Variants in MYOZ2 observed in about 807,000 individuals in gnomAD.
MYOZ2 encodes the protein myozenin-2.
MYOZ2 carries 19 observed loss-of-function variants against 25.4 expected under a neutral mutation model. The ratio of observed to expected loss-of-function variants is 0.75; its 90% confidence interval spans 0.52 to 1.10. The LOEUF is 1.10. MYOZ2 is among the 50% of genes least tolerant of loss of function. The probability of loss-of-function intolerance (pLI) is 0.00; values close to 1 mark genes in which losing one functional copy is unlikely to be tolerated. For missense variants in MYOZ2, 270 were observed against 317.9 expected, an observed-to-expected ratio of 0.85 and a Z score of 1.15; for synonymous variants, 92 against 106.9, an observed-to-expected ratio of 0.86 and a Z score of 0.86.
chr4:119,166,509 C>CAA (rs34894750), intron 5 of MYOZ2, among the ~76,000 whole-genome samples: 1 of 136,328 alleles, frequency 7.3e-6, no homozygotes, highest in African/African-American at 2.9e-5. Context: ...GACCCTGTCT[C>CAA]AAAAAAAAAA....
intron 2 of MYOZ2, among the ~76,000 whole-genome samples, chr4:119,145,550 T>TG (rs1561104817): frequency 0.083 from 8,506 of 102,516 alleles, 315 homozygotes; most frequent in Non-Finnish European, 0.11. Flanking sequence ...GTGTGTGTGT[T>TG]TTTGGTAGAG....
rs397517288 is a variant in MYOZ2, at chr4:119,136,516, CA to C, written c.-3del. The C allele has an allele frequency of 1.9e-6, 3 of 1,612,424 alleles. No individual in the cohort carries two copies. The highest frequency in any genetic ancestry group is 2.5e-6 in the Non-Finnish European group (3 of 1,178,906). On this transcript the variant is annotated 5_prime_UTR_variant, in exon 2 of 6. Transcript: ENST00000307128. ...ATGTCCCTTTGTTTTTAACAGGGAA[CA>C]AAAAAACCATGCTATCACATAATAC...
chr4:119,176,979 G>A (rs1165669228), intron 5 of MYOZ2, among the ~76,000 whole-genome samples: 1 of 152,204 alleles, frequency 6.6e-6, no homozygotes, highest in Non-Finnish European at 1.5e-5. Flanking sequence ...ACCACACACT[G>A]AGTACTGGGA....
At chr4:119,163,942 A>T (rs900673026) in intron 4 of MYOZ2, among the ~76,000 whole-genome samples, 28 of 152,174 alleles carry the variant, frequency 1.8e-4, no homozygotes, top group Non-Finnish European at 3.8e-4. Context: ...TTACTGGAAA[A>T]ATATATATAC....
Position 119,186,486 on chromosome 4 carries a change from GAC to G in MYOZ2, c.*288_*289del. Reference sequence around the variant, plus strand: ...CAAAAGTTCAGATGGAAAAGTAATTGACAGTTTCACCTTTGTCTCATTTTATA... The same window carrying G: ...CAAAAGTTCAGATGGAAAAGTAATTGAGTTTCACCTTTGTCTCATTTTATA... On this transcript the variant is annotated 3_prime_UTR_variant, in exon 6 of 6. Coordinates refer to ENST00000307128, the MANE Select transcript of MYOZ2 (RefSeq NM_016599.5). The G allele has an allele frequency of 5.1e-6, 2 of 395,380 alleles. No individual in the cohort carries two copies. The highest frequency in any genetic ancestry group is 5.6e-5 in the East Asian group (1 of 17,856). The allele number at this position is 395,380 out of a possible 1,614,324, so 24.5% of individuals were successfully genotyped here.
At chr4:119,175,446 T>C (rs1045717965) in intron 5 of MYOZ2, among the ~76,000 whole-genome samples, 2 of 152,202 alleles carry the variant, frequency 1.3e-5, no homozygotes, top group African/African-American at 4.8e-5. Context: ...CTATTGCATC[T>C]AATGGATAAC....
chr4:119,152,304 C>T (rs1251890967), intron 3 of MYOZ2, among the ~76,000 whole-genome samples: 1 of 152,048 alleles, frequency 6.6e-6, no homozygotes, highest in African/African-American at 2.4e-5. Context: ...ATAATCCCTA[C>T]CCCATCTGCT....
At position 119,186,172 on chromosome 4, in the gene MYOZ2, C is replaced by T. The variant is rs1475858384; in HGVS notation, c.767C>T (p.Thr256Ile). Residue 256 changes from threonine to isoleucine, a missense_variant, in exon 6 of 6, where the codon ACC (threonine) becomes ATC (isoleucine). Coordinates refer to ENST00000307128, the MANE Select transcript of MYOZ2 (RefSeq NM_016599.5). ...ATAACAACCGAACCTACAGATGATA[C>T]CACTGTACCAGAATCAGAAGACCTA... ...IVITTEPTDD[T>I]TVPESEDL The T allele has an allele frequency of 1.2e-6, 2 of 1,613,108 alleles. No homozygotes were observed. Among genetic ancestry groups the T allele is most frequent in the East Asian group, 2.2e-5 (1 of 44,856 alleles).
chr4:119,165,665 T>G (rs1326279263), intron 5 of MYOZ2, among the ~76,000 whole-genome samples: 1 of 151,782 alleles, frequency 6.6e-6, no homozygotes, highest in South Asian at 2.1e-4. Context: ...GAAAGAAAGT[T>G]GGAGGCCCAT....
intron 5 of MYOZ2, among the ~76,000 whole-genome samples, chr4:119,167,585 T>C (rs1462043182): frequency 6.6e-6 from 1 of 152,242 alleles, no homozygotes; most frequent in Non-Finnish European, 1.5e-5. Context: ...TGAAACAACC[T>C]TCTATTGGAA....
At chr4:119,162,983 A>AT (rs1213243424) in intron 4 of MYOZ2, among the ~76,000 whole-genome samples, 3 of 152,166 alleles carry the variant, frequency 2.0e-5, no homozygotes, top group African/African-American at 4.8e-5. Context: ...GGGCTTGATT[A>AT]TTTTTTTAAA....
intron 5 of MYOZ2, among the ~76,000 whole-genome samples, chr4:119,175,582 T>C (rs973892179): frequency 6.6e-6 from 1 of 151,956 alleles, no homozygotes; most frequent in Admixed American, 6.6e-5. Context: ...TGAAACTCTG[T>C]TTCTACTAAA....
intron 5 of MYOZ2, among the ~76,000 whole-genome samples, chr4:119,178,904 G>C (rs1742133378): frequency 6.6e-6 from 1 of 152,170 alleles, no homozygotes; most frequent in South Asian, 2.1e-4. Context: ...ACCGTGCCCG[G>C]CTATTCAGTC....
intron 3 of MYOZ2, among the ~76,000 whole-genome samples, chr4:119,152,061 G>A (rs1178384180): frequency 6.6e-6 from 1 of 151,820 alleles, no homozygotes; most frequent in Non-Finnish European, 1.5e-5. Flanking sequence ...TATGTTTTTT[G>A]TTAACAGAAA....
rs1052320097 is a variant in MYOZ2 at position 119,168,978 on chromosome 4, A to G, written c.560+4584A>G. On this transcript the variant is annotated intron_variant, in intron 5 of 5. Transcript: ENST00000307128. ...AAATTTTTCATGAAAGGAAGAATCA[A>G]TTGATGCAGCAAAAATCACTGTTGC... 2.6e-5 allele frequency among the ~76,000 whole-genome samples: 4 copies of G among 152,214 alleles called. No individual in the cohort carries two copies. The South Asian group carries it at 8.3e-4, about 32-fold the overall frequency.
At chr4:119,176,085 T>C (rs1742066685) in intron 5 of MYOZ2, among the ~76,000 whole-genome samples, 1 of 152,212 alleles carries the variant, frequency 6.6e-6, no homozygotes, top group African/African-American at 2.4e-5. Flanking sequence ...TTTTTCCTCA[T>C]GTTTCACCGT....
intron 2 of MYOZ2, among the ~76,000 whole-genome samples, chr4:119,139,489 A>G (rs934645260): frequency 6.6e-6 from 1 of 152,174 alleles, no homozygotes; most frequent in Non-Finnish European, 1.5e-5. Context: ...ATCTGTACAT[A>G]TTTTCCAGTA....
At position 119,150,971 on chromosome 4, in the gene MYOZ2, A is replaced by G. The variant is rs1435807274; in HGVS notation, c.176A>G (p.Lys59Arg). Residue 59 changes from lysine to arginine, a missense_variant, in exon 3 of 6, where the codon AAG (lysine) becomes AGG (arginine). By Grantham distance (26) the Lys-to-Arg change is conservative. Transcript: ENST00000307128. Reference sequence around the variant, plus strand: ...AGTAACCGTGGTGCCAGGCTATTTAAGATGCGTCAAAGAAGATCTGACAAA... The same window carrying G: ...AGTAACCGTGGTGCCAGGCTATTTAGGATGCGTCAAAGAAGATCTGACAAA... ...HLSNRGARLF[K>R]MRQRRSDKYT... The G allele has an allele frequency of 2.5e-6, 4 of 1,613,682 alleles. No individual in the cohort carries two copies. Among genetic ancestry groups the G allele is most frequent in the Non-Finnish European group, 3.4e-6 (4 of 1,179,570 alleles).
At chr4:119,160,422 TTACTG>T (rs1273467331) in intron 4 of MYOZ2, among the ~76,000 whole-genome samples, 1 of 152,082 alleles carries the variant, frequency 6.6e-6, no homozygotes, top group Admixed American at 6.5e-5. Flanking sequence ...TATGTAGTCT[TTACTG>T]TACACTATGG....
Sources: gnomAD v4.1 joint callset for allele counts (sites outside exome capture counted in the v4.1 genomes callset) on GRCh38, gnomAD v4.1.1 for gene constraint, MANE v1.5 for transcripts, NCBI Gene and HGNC (gene_info 2026-07-23, HGNC 2026-07-21) for gene names.